AP4E1: variants seen among roughly 807,000 people sequenced by gnomAD.
AP4E1 encodes AP-4 complex subunit epsilon-1.
AP4E1 carries 56 observed loss-of-function variants against 128.2 expected under a neutral mutation model. That is an observed-to-expected ratio of 0.44 (90% CI 0.35 to 0.55). The LOEUF is 0.55. Among genes scored for constraint, AP4E1 ranks in the 20% least tolerant of loss-of-function variants. The probability of loss-of-function intolerance (pLI) is 0.00; values close to 1 mark genes in which losing one functional copy is unlikely to be tolerated. For synonymous variants in AP4E1, 484 were observed against 473.1 expected (o/e 1.02, Z -0.30); for missense variants, 1,324 against 1,307.7 (o/e 1.01, Z -0.19).
Position 50,998,940 on chromosome 15 carries a change from T to A in AP4E1, c.2905-132T>A, listed in dbSNP as rs571644586. On this transcript the variant is annotated intron_variant, in intron 18 of 20. Transcript: ENST00000261842. ...CAAGTGAAGTTGCCAGTCATCTTCA[T>A]AATGTAGTTTGTTATTAACTTCCCA... 53 of 794,168 alleles carry A rather than the reference T, an allele frequency of 6.7e-5. No homozygotes were observed. The East Asian group carries it at 1.3e-3, about 19-fold the overall frequency. The allele number at this position is 794,168 out of a possible 1,614,324, so 49.2% of individuals were successfully genotyped here. A position where few individuals can be genotyped will look rare whatever the true frequency, so the allele number is the denominator to read the frequency against.
intron 15 of AP4E1, among the ~76,000 whole-genome samples, chr15:50,979,077 T>G (rs1353104916): frequency 6.6e-6 from 1 of 152,192 alleles, no homozygotes; most frequent in African/African-American, 2.4e-5. Context: ...AATTTTGAGC[T>G]TCTTTCTGCT....
At chr15:50,973,851 A>G (rs1437698176) in intron 15 of AP4E1, among the ~76,000 whole-genome samples, 2 of 152,220 alleles carry the variant, frequency 1.3e-5, no homozygotes, top group South Asian at 2.1e-4. Context: ...CGTCTTGGTT[A>G]TTATGAATAG....
At chr15:50,977,709 T>TTTTTTTTG (rs1555460365) in intron 15 of AP4E1, among the ~76,000 whole-genome samples, 2,141 of 89,424 alleles carry the variant, frequency 0.024, 82 homozygotes, top group African/African-American at 0.073. Context: ...TGTTATGGTT[T>TTTTTTTTG]TTTTTTTTTT....
At chr15:50,923,889 T>C (rs2063737709) in intron 3 of AP4E1, 42 bp from the exon 4 acceptor site, 1 of 1,469,034 alleles carries the variant, frequency 6.8e-7, no homozygotes, top group East Asian at 2.3e-5. Flanking sequence ...AAAAGTCTGT[T>C]TTTGGTAGTT....
At chr15:50,994,499 A>G (rs1375027257) in intron 17 of AP4E1, among the ~76,000 whole-genome samples, 2 of 152,132 alleles carry the variant, frequency 1.3e-5, no homozygotes, top group Non-Finnish European at 2.9e-5. Flanking sequence ...TTCTAGACTC[A>G]CCAGTCTAGA....
intron 16 of AP4E1, among the ~76,000 whole-genome samples, chr15:50,990,851 G>A (rs1356348233): frequency 6.6e-6 from 1 of 152,180 alleles, no homozygotes. Context: ...GCCAGTTGTG[G>A]ATTGAGTTCC....
At chr15:50,967,893 A>C (rs1274752700) in intron 14 of AP4E1, among the ~76,000 whole-genome samples, 1 of 152,120 alleles carries the variant, frequency 6.6e-6, no homozygotes, top group Admixed American at 6.5e-5. Context: ...GCTCACTGCA[A>C]CCTCTGCCTT....
chr15:50,950,099 A>AT lies in AP4E1; in HGVS notation c.1478_1479insT (p.Gln493HisfsTer35). On this transcript the variant is annotated frameshift_variant, in exon 13 of 21. Coordinates refer to ENST00000261842, the MANE Select transcript of AP4E1 (RefSeq NM_007347.5). LOFTEE classifies it high-confidence loss of function. ...CAGCAATTAAGACTCTATGCAGTTC[A>AT]GTCTTATCTCACTTTACTGGATATG... The AT allele has an allele frequency of 6.2e-7, 1 of 1,613,592 alleles. No individual in the cohort carries two copies. Among genetic ancestry groups the AT allele is most frequent in the Non-Finnish European group, 8.5e-7 (1 of 1,179,762 alleles).
intron 17 of AP4E1, among the ~76,000 whole-genome samples, chr15:50,994,755 C>G (rs1050582223): frequency 6.6e-6 from 1 of 152,160 alleles, no homozygotes; most frequent in Non-Finnish European, 1.5e-5. Flanking sequence ...GTTTGTGAAC[C>G]TCATTGCTGG....
chr15:50,974,923 C>T (rs965283131), intron 15 of AP4E1, among the ~76,000 whole-genome samples: 1 of 151,336 alleles, frequency 6.6e-6, no homozygotes, highest in African/African-American at 2.4e-5. Context: ...GGAGGTTAAC[C>T]CTTACCAGAA....
intron 15 of AP4E1, among the ~76,000 whole-genome samples, chr15:50,974,891 A>G (rs1018117095): frequency 6.6e-6 from 1 of 151,286 alleles, no homozygotes; most frequent in African/African-American, 2.4e-5. Context: ...AAAACTATTG[A>G]GTCATAGGAT....
chr15:50,960,829 A>C (rs1224310778), intron 14 of AP4E1, among the ~76,000 whole-genome samples: 1 of 151,988 alleles, frequency 6.6e-6, no homozygotes. Flanking sequence ...CAAAAAAAAA[A>C]GAGACAAAAA....
intron 14 of AP4E1, among the ~76,000 whole-genome samples, 200 bp from the exon 15 acceptor site, chr15:50,968,063 G>A (rs896047765): frequency 2.0e-5 from 3 of 152,036 alleles, no homozygotes; most frequent in Non-Finnish European, 4.4e-5. Context: ...CAAGTGATCC[G>A]CCCATTTCAG....
chr15:50,924,223 C>G (rs1253996759), intron 4 of AP4E1, among the ~76,000 whole-genome samples: 2 of 152,112 alleles, frequency 1.3e-5, no homozygotes, highest in Non-Finnish European at 2.9e-5. Flanking sequence ...GAAGTAGTAG[C>G]TGCTGCTCTT....
intron 16 of AP4E1, among the ~76,000 whole-genome samples, chr15:50,985,292 G>C (rs1334938840): frequency 6.6e-6 from 1 of 152,110 alleles, no homozygotes; most frequent in African/African-American, 2.4e-5. Flanking sequence ...TTCTTTTGCT[G>C]TGCAGAAGCT....
chr15:50,908,884 C>T lies in AP4E1; in HGVS notation c.106C>T (p.Leu36=). The stretch of plus-strand genomic sequence containing the variant: ...CGCCAAGGCGTCCTTCTCCTCGAGG[C>T]TGGGCAGCCTTGTCCGCGGCATCAC... ...AAAKASFSSR[L]GSLVRGITAL... is the part of the protein sequence containing the mutation. The change falls in exon 1 of 21, where the codon CTG becomes TTG. Residue 36 remains leucine, a synonymous_variant. Coordinates refer to ENST00000261842, the MANE Select transcript of AP4E1 (RefSeq NM_007347.5). 1 of 1,610,526 alleles carries T rather than the reference C, an allele frequency of 6.2e-7. No individual in the cohort carries two copies. Among genetic ancestry groups the T allele is most frequent in the Non-Finnish European group, 8.5e-7 (1 of 1,179,274 alleles).
At chr15:50,908,673 A>C, upstream of AP4E1, 1 of 1,303,794 alleles carries the variant, frequency 7.7e-7, no homozygotes, top group Non-Finnish European at 1.0e-6. Context: ...TTCTTATTCA[A>C]AAAACAGGAA....
chr15:50,977,960 C>T (rs2064581619), intron 15 of AP4E1, among the ~76,000 whole-genome samples: 1 of 152,146 alleles, frequency 6.6e-6, no homozygotes, highest in South Asian at 2.1e-4. Flanking sequence ...CCTCCCTCTT[C>T]TGCCTCCAAA....
intron 16 of AP4E1, among the ~76,000 whole-genome samples, 163 bp downstream of exon 16, chr15:50,984,308 C>A (rs2064685735): frequency 6.6e-6 from 1 of 150,948 alleles, no homozygotes; most frequent in African/African-American, 2.4e-5. Flanking sequence ...ACATAATTTT[C>A]TTTTTTTTTA....
Sources: allele counts gnomAD v4.1 joint callset (sites outside exome capture counted in the v4.1 genomes callset), GRCh38; gene constraint gnomAD v4.1.1; transcripts MANE v1.5; gene names NCBI Gene and HGNC (gene_info 2026-07-23, HGNC 2026-07-21).